The following KIRREL3 variants were observed in gnomAD, a reference collection of about 807,000 sequenced individuals.
KIRREL3 encodes kirre like nephrin family adhesion molecule 3, also known as kin of IRRE-like protein 3.
A neutral mutation model predicts 89.7 loss-of-function variants in KIRREL3; 36 were observed. That is an observed-to-expected ratio of 0.40 (90% CI 0.31 to 0.53). The LOEUF (loss-of-function observed/expected upper bound fraction) is 0.53. Among genes scored for constraint, KIRREL3 ranks in the 20% least tolerant of loss-of-function variants. The probability of loss-of-function intolerance (pLI) is 0.49; values close to 1 mark genes in which losing one functional copy is unlikely to be tolerated. For synonymous variants in KIRREL3, 445 were observed against 441.4 expected (o/e 1.01, Z -0.10); for missense variants, 864 against 1,056.6 (o/e 0.82, Z 2.53).
At chr11:126,839,832 T>C (rs1292905947) in intron 1 of KIRREL3, among the ~76,000 whole-genome samples, 2 of 152,220 alleles carry the variant, frequency 1.3e-5, no homozygotes, top group Non-Finnish European at 2.9e-5. Context: ...AGGTAAATTA[T>C]GAATAAATTA....
intron 2 of KIRREL3, chr11:126,549,822 T>A (rs991343781): frequency 6.6e-6 from 1 of 152,204 alleles, no homozygotes; most frequent in African/African-American, 2.4e-5. Context: ...GGAAGCGGTG[T>A]GGCGTTTGGA....
intron 1 of KIRREL3, among the ~76,000 whole-genome samples, chr11:126,824,033 A>T (rs563228718): frequency 5.3e-5 from 8 of 152,324 alleles, no homozygotes; most frequent in African/African-American, 1.7e-4. Flanking sequence ...ACACCCCACA[A>T]GCCTAGCATG....
In KIRREL3 at chr11:126,780,127, A is replaced by G. The variant is rs1464335195; in HGVS notation, c.56-217215T>C. Among the ~76,000 whole-genome samples the G allele has an allele frequency of 6.6e-6, 1 of 152,170 alleles. No individual in the cohort carries two copies. Among genetic ancestry groups the G allele is most frequent in the Admixed American group, 6.5e-5 (1 of 15,274 alleles). On this transcript the variant is annotated intron_variant, in intron 1 of 16. Transcript: ENST00000525144. This position sits in a 1 kb window ranked among gnomAD's most constrained non-coding sequence, Gnocchi z 5.3. ...AAAGGGAGTAGGATAGGGGAGATGG[A>G]CATGGAAGCACAGGGGAGAGACAAG...
chr11:126,868,689 A>C (rs1433519086), intron 1 of KIRREL3, among the ~76,000 whole-genome samples: 1 of 152,136 alleles, frequency 6.6e-6, no homozygotes, highest in African/African-American at 2.4e-5. Context: ...TGATGCTGTT[A>C]GTGCCCTTTC....
chr11:126,892,758 C>T lies in KIRREL3; in HGVS notation c.55+107697G>A, dbSNP rs979890207. ...GCCCCCAGCACTATGGCCATGACAG[C>T]CTCCAGATAGGAGAAGGGTCTGGCT... On this transcript the variant is annotated intron_variant, in intron 1 of 16. Transcript: ENST00000525144. The surrounding 1 kb of genome is among the most constrained non-coding windows in gnomAD (Gnocchi z 5.4). 1.3e-5 allele frequency among the ~76,000 whole-genome samples: 2 copies of T among 152,152 alleles called. No homozygotes were observed. Among genetic ancestry groups the T allele is most frequent in the Non-Finnish European group, 2.9e-5 (2 of 68,034 alleles).
intron 1 of KIRREL3, among the ~76,000 whole-genome samples, chr11:126,846,841 T>C (rs902624541): frequency 6.6e-6 from 1 of 152,194 alleles, no homozygotes; most frequent in Non-Finnish European, 1.5e-5. Flanking sequence ...GTTGAACAAA[T>C]TGTGAAAGAT....
chr11:126,871,248 C>A (rs1234833009), intron 1 of KIRREL3, among the ~76,000 whole-genome samples: 1 of 152,124 alleles, frequency 6.6e-6, no homozygotes, highest in Non-Finnish European at 1.5e-5. Flanking sequence ...TCCCCCTCAC[C>A]GCTCATAAAG....
rs528909094 is a variant in KIRREL3, at chr11:126,773,518, TC to T, written c.56-210607del. Among the ~76,000 whole-genome samples, 2 of 152,224 alleles carry T rather than the reference TC, an allele frequency of 1.3e-5. No homozygotes were observed. The highest frequency in any genetic ancestry group is 2.9e-5 in the Non-Finnish European group (2 of 68,040). The stretch of plus-strand genomic sequence containing the variant: ...AATCTGTCTTTCTCTATATATCGCT[TC>T]CTGTTGGTTCTGTTTCTCTGGAGAA... On this transcript the variant is annotated intron_variant, in intron 1 of 16. Transcript: ENST00000525144. This position sits in a 1 kb window ranked among gnomAD's most constrained non-coding sequence, Gnocchi z 4.2.
At chr11:126,932,250 G>C (rs1359576879) in intron 1 of KIRREL3, among the ~76,000 whole-genome samples, 1 of 152,198 alleles carries the variant, frequency 6.6e-6, no homozygotes, top group East Asian at 1.9e-4. Flanking sequence ...TCCTCTGGAA[G>C]AGGAGGGCCC....
In KIRREL3 at chr11:126,489,966, A is replaced by T. The variant is rs1362211758; in HGVS notation, c.434-16500T>A. Among the ~76,000 whole-genome samples, 3 of 152,104 alleles carry T rather than the reference A, an allele frequency of 2.0e-5. No homozygotes were observed. Among genetic ancestry groups the T allele is most frequent in the African/African-American group, 7.2e-5 (3 of 41,432 alleles). ...CACTGTGCAGGAATCTGGGCGTGTT[A>T]GTGCTGCATACGTTGGGGAAAATGA... On this transcript the variant is annotated intron_variant, in intron 4 of 16. Transcript: ENST00000525144. This position sits in a 1 kb window ranked among gnomAD's most constrained non-coding sequence, Gnocchi z 5.5.
chr11:126,790,109 T>G (rs79362462), intron 1 of KIRREL3, among the ~76,000 whole-genome samples: 3,652 of 152,274 alleles, frequency 0.024, 142 homozygotes, highest in African/African-American at 0.081. Flanking sequence ...GAAACCTGAG[T>G]GTCATCCCTA....
intron 1 of KIRREL3, among the ~76,000 whole-genome samples, chr11:126,972,168 TAGAGAGAGAGAG>T (rs61426707): frequency 7.5e-5 from 9 of 119,840 alleles, no homozygotes; most frequent in African/African-American, 1.2e-4. Context: ...GAGGGTCTGG[TAGAGAGAGAGAG>T]AGAGAGAGAG....
At position 126,508,703 on chromosome 11, in the gene KIRREL3, G is replaced by T. The variant is rs1008344333; in HGVS notation, c.433+12612C>A. Among the ~76,000 whole-genome samples the T allele has an allele frequency of 2.6e-5, 4 of 152,208 alleles. No individual in the cohort carries two copies. Among genetic ancestry groups the T allele is most frequent in the Non-Finnish European group, 5.9e-5 (4 of 68,024 alleles). On this transcript the variant is annotated intron_variant, in intron 4 of 16. Coordinates refer to ENST00000525144, the MANE Select transcript of KIRREL3 (RefSeq NM_032531.4). This position sits in a 1 kb window ranked among gnomAD's most constrained non-coding sequence, Gnocchi z 4.9. ...CAGGGTTTCAGAGCCAGAAGCGACT[G>T]CATTCAGATTCTCGTTCTTTACCTT...
In KIRREL3 at chr11:126,987,465, C is replaced by G. The variant is rs74481788; in HGVS notation, c.55+12990G>C. The stretch of plus-strand genomic sequence containing the variant: ...CAGACAAACAGGAGAGGTAAGTGTT[C>G]AGATTTTCTGGTTGGTATGTCTTGA... On this transcript the variant is annotated intron_variant, in intron 1 of 16. Transcript: ENST00000525144. The surrounding 1 kb of genome is among the most constrained non-coding windows in gnomAD (Gnocchi z 4.6). Among the ~76,000 whole-genome samples, 797 of 152,254 alleles carry G rather than the reference C, an allele frequency of 5.2e-3. 4 individuals carry two copies. The highest frequency in any genetic ancestry group is 8.5e-3 in the Non-Finnish European group (578 of 68,012).
At chr11:126,506,777 A>T (rs1256058001) in intron 4 of KIRREL3, among the ~76,000 whole-genome samples, 2 of 148,924 alleles carry the variant, frequency 1.3e-5, no homozygotes, top group Non-Finnish European at 1.5e-5. Flanking sequence ...CATAGCAACA[A>T]TTTTTTTTTT....
chr11:126,678,599 C>CAA (rs59342253), intron 1 of KIRREL3, among the ~76,000 whole-genome samples: 25,053 of 49,918 alleles, frequency 0.5, 9,495 homozygotes, highest in East Asian at 0.82. Flanking sequence ...GACTCTGTCT[C>CAA]AAAAAAAAAA....
rs1483069287 is a variant in KIRREL3, at chr11:126,489,465, T to A, written c.434-15999A>T. ...CAGATCTAGGACACATTGATAAGCATGGAGTGTCAACTATGTTCCAAAAGC... is the reference window on the plus strand; with the variant it reads ...CAGATCTAGGACACATTGATAAGCAAGGAGTGTCAACTATGTTCCAAAAGC... On this transcript the variant is annotated intron_variant, in intron 4 of 16. Coordinates refer to ENST00000525144, the MANE Select transcript of KIRREL3 (RefSeq NM_032531.4). This position sits in a 1 kb window ranked among gnomAD's most constrained non-coding sequence, Gnocchi z 5.5. Among the ~76,000 whole-genome samples, 2 of 152,190 alleles carry A rather than the reference T, an allele frequency of 1.3e-5. No individual in the cohort carries two copies. Among genetic ancestry groups the A allele is most frequent in the Non-Finnish European group, 2.9e-5 (2 of 68,034 alleles).
chr11:126,613,555 C>T (rs1257035035), intron 1 of KIRREL3, among the ~76,000 whole-genome samples: 1 of 152,074 alleles, frequency 6.6e-6, no homozygotes, highest in East Asian at 1.9e-4. Flanking sequence ...GCCTGATAAC[C>T]TTCATTTTTT....
intron 1 of KIRREL3, among the ~76,000 whole-genome samples, chr11:126,816,217 T>C (rs898794180): frequency 1.3e-5 from 2 of 152,242 alleles, no homozygotes; most frequent in African/African-American, 2.4e-5. Flanking sequence ...TAGTGCTACA[T>C]GTTAAAATTA....
Sources: allele counts gnomAD v4.1 joint callset (sites outside exome capture counted in the v4.1 genomes callset), GRCh38; gene constraint gnomAD v4.1.1; non-coding constraint Gnocchi (gnomAD v3.1); transcripts MANE v1.5; gene names NCBI Gene and HGNC (gene_info 2026-07-23, HGNC 2026-07-21).